The following RABGAP1L variants were observed in gnomAD, a reference collection of about 807,000 sequenced individuals.
RABGAP1L encodes the protein rab GTPase-activating protein 1-like.
Under a neutral mutation model 137.7 loss-of-function variants are expected in RABGAP1L, and 63 were observed. That is an observed-to-expected ratio of 0.46 (90% CI 0.37 to 0.56). The LOEUF is 0.56. Ranked by LOEUF, RABGAP1L falls within the 20% of genes least tolerant of loss-of-function variation. The pLI is 0.00. For synonymous variants in RABGAP1L, 431 were observed against 433.7 expected, an observed-to-expected ratio of 0.99 and a Z score of 0.08; for missense variants, 1,095 against 1,244.0, an observed-to-expected ratio of 0.88 and a Z score of 1.80.
chr1:174,897,344 C>T (rs552937854), intron 19 of RABGAP1L: 2 of 152,110 alleles, frequency 1.3e-5, no homozygotes, highest in Non-Finnish European at 1.5e-5. Flanking sequence ...TGGGCTAAGA[C>T]GAGCCTACTC....
At chr1:174,428,608 C>T (rs768453658) in intron 13 of RABGAP1L, among the ~76,000 whole-genome samples, 16 of 152,054 alleles carry the variant, frequency 1.1e-4, no homozygotes, top group Middle Eastern at 6.8e-3. Context: ...AGTACTTAAT[C>T]GTTATTAAGA....
At chr1:174,915,984 AT>A in intron 19 of RABGAP1L, among the ~76,000 whole-genome samples, 1 of 151,844 alleles carries the variant, frequency 6.6e-6, no homozygotes. Flanking sequence ...TCTTGGCCTA[AT>A]CCAAGACTGC....
chr1:174,608,463 G>A (rs994576995), intron 13 of RABGAP1L, among the ~76,000 whole-genome samples: 1 of 152,108 alleles, frequency 6.6e-6, no homozygotes, highest in African/African-American at 2.4e-5. Context: ...ATTACAGTAA[G>A]TAACATAAGG....
At chr1:174,175,118 C>G (rs1665725677) in intron 1 of RABGAP1L, among the ~76,000 whole-genome samples, 1 of 150,148 alleles carries the variant, frequency 6.7e-6, no homozygotes, top group African/African-American at 2.5e-5. Flanking sequence ...TTCTAAAAGG[C>G]TTTGAATAAC....
At chr1:174,680,133 C>T (rs1677942557) in intron 14 of RABGAP1L, among the ~76,000 whole-genome samples, 1 of 152,166 alleles carries the variant, frequency 6.6e-6, no homozygotes, top group South Asian at 2.1e-4. Context: ...AAATGCAAGC[C>T]ATAGACTGGG....
chr1:174,320,028 T>G (rs1163324154), intron 11 of RABGAP1L, among the ~76,000 whole-genome samples: 1 of 152,164 alleles, frequency 6.6e-6, no homozygotes, highest in Non-Finnish European at 1.5e-5. Context: ...GACATTTGAC[T>G]GATTTTTGTC....
At chr1:174,729,785 C>T (rs1219769558) in intron 17 of RABGAP1L, among the ~76,000 whole-genome samples, 1 of 152,094 alleles carries the variant, frequency 6.6e-6, no homozygotes, top group Non-Finnish European at 1.5e-5. Flanking sequence ...TCACACCCAT[C>T]AACATGGCTA....
intron 19 of RABGAP1L, among the ~76,000 whole-genome samples, chr1:174,843,784 A>G (rs1334902518): frequency 8.3e-6 from 1 of 121,192 alleles, no homozygotes; most frequent in Non-Finnish European, 1.7e-5. Flanking sequence ...CTAGTTCTAG[A>G]TCCCTGAGGA....
chr1:174,438,569 T>C (rs919800019), intron 13 of RABGAP1L, among the ~76,000 whole-genome samples: 1 of 151,234 alleles, frequency 6.6e-6, no homozygotes, highest in South Asian at 2.1e-4. Flanking sequence ...AATATAAAAA[T>C]TAGCCAGGCA....
At chr1:174,937,433 C>T (rs940248379) in intron 19 of RABGAP1L, among the ~76,000 whole-genome samples, 4 of 147,986 alleles carry the variant, frequency 2.7e-5, no homozygotes, top group Admixed American at 6.8e-5. Flanking sequence ...AATAGGTGCC[C>T]GCCACCACAC....
At chr1:174,536,566 G>A (rs1368275114) in intron 13 of RABGAP1L, among the ~76,000 whole-genome samples, 2 of 151,986 alleles carry the variant, frequency 1.3e-5, no homozygotes, top group Admixed American at 6.6e-5. Flanking sequence ...ATGAAAACAA[G>A]CAATAATAGC....
At chr1:174,403,386 AT>A (rs952535240) in intron 13 of RABGAP1L, among the ~76,000 whole-genome samples, 5 of 151,454 alleles carry the variant, frequency 3.3e-5, no homozygotes, top group African/African-American at 9.7e-5. Context: ...TTTTAAAAGG[AT>A]TTAAGTGCTA....
intron 11 of RABGAP1L, among the ~76,000 whole-genome samples, chr1:174,317,057 G>T (rs1255719372): frequency 6.6e-6 from 1 of 151,862 alleles, no homozygotes; most frequent in Non-Finnish European, 1.5e-5. Flanking sequence ...TCCCCATTTG[G>T]CCAGGGCAGG....
chr1:174,313,504 A>T (rs1013791463), intron 11 of RABGAP1L, among the ~76,000 whole-genome samples: 7 of 152,090 alleles, frequency 4.6e-5, no homozygotes, highest in Admixed American at 3.9e-4. Context: ...TACTGTGTTG[A>T]TTAACAGTGG....
intron 13 of RABGAP1L, among the ~76,000 whole-genome samples, chr1:174,445,850 A>C (rs1011781247): frequency 3.3e-5 from 5 of 152,216 alleles, no homozygotes; most frequent in African/African-American, 1.2e-4. Flanking sequence ...AAATGCTATA[A>C]GGAGAATACC....
At chr1:174,257,296 T>C (rs1673217593) in intron 7 of RABGAP1L, among the ~76,000 whole-genome samples, 1 of 152,220 alleles carries the variant, frequency 6.6e-6, no homozygotes, top group Non-Finnish European at 1.5e-5. Context: ...TCTTGGACTT[T>C]TATGATTAAG....
intron 13 of RABGAP1L, among the ~76,000 whole-genome samples, chr1:174,523,809 C>T (rs1016379596): frequency 6.6e-6 from 1 of 152,168 alleles, no homozygotes; most frequent in Non-Finnish European, 1.5e-5. Flanking sequence ...CTCTTCCCTG[C>T]CCCTGGTACC....
At chr1:174,853,756 A>G (rs1018085496) in intron 19 of RABGAP1L, among the ~76,000 whole-genome samples, 1 of 152,098 alleles carries the variant, frequency 6.6e-6, no homozygotes, top group African/African-American at 2.4e-5. Context: ...AAAAAACAAA[A>G]AGGCTAGCTT....
chr1:174,841,477 A>G (rs1289036591), intron 19 of RABGAP1L, among the ~76,000 whole-genome samples: 2 of 152,122 alleles, frequency 1.3e-5, no homozygotes, highest in African/African-American at 4.8e-5. Context: ...AGAGGCACTT[A>G]TCTTAATGAA....
Sources: gnomAD v4.1 joint callset for allele counts (sites outside exome capture counted in the v4.1 genomes callset) on GRCh38, gnomAD v4.1.1 for gene constraint, MANE v1.5 for transcripts, NCBI Gene and HGNC (gene_info 2026-07-23, HGNC 2026-07-21) for gene names.